STAM: variants seen among roughly 807,000 people sequenced by gnomAD.
STAM encodes the protein signal transducing adaptor molecule.
A neutral mutation model predicts 63.4 loss-of-function variants in STAM; 16 were observed. That is an observed-to-expected ratio of 0.25 (90% CI 0.17 to 0.38). The LOEUF (loss-of-function observed/expected upper bound fraction) is 0.38. Ranked by LOEUF, STAM falls within the 10% of genes least tolerant of loss-of-function variation. The pLI is 1.00. For missense variants in STAM, 636 were observed against 657.1 expected (o/e 0.97, Z 0.35); for synonymous variants, 238 against 223.9 (o/e 1.06, Z -0.56).
chr10:17,672,189 G>A (rs868963262), intron 2 of STAM, among the ~76,000 whole-genome samples: 3 of 152,236 alleles, frequency 2.0e-5, no homozygotes, highest in Middle Eastern at 3.4e-3. Flanking sequence ...ACTGGTGACC[G>A]CGCCTAACAT....
At chr10:17,675,600 A>G (rs1355573928) in intron 2 of STAM, among the ~76,000 whole-genome samples, 1 of 152,166 alleles carries the variant, frequency 6.6e-6, no homozygotes. Flanking sequence ...TTTATGTCAC[A>G]GTTTTAACTT....
intron 1 of STAM, among the ~76,000 whole-genome samples, chr10:17,656,588 C>T (rs1554822194): frequency 1.3e-5 from 2 of 152,166 alleles, no homozygotes; most frequent in East Asian, 1.9e-4. Context: ...ATCAGCCTTG[C>T]ATACCTGGGA....
At chr10:17,685,415 C>T (rs537486913) in intron 4 of STAM, among the ~76,000 whole-genome samples, 2 of 152,000 alleles carry the variant, frequency 1.3e-5, no homozygotes, top group Admixed American at 6.6e-5. Flanking sequence ...AAAGTGGTGG[C>T]GGGGGAGTTT....
intron 1 of STAM, among the ~76,000 whole-genome samples, chr10:17,653,741 A>G (rs1589024641): frequency 6.6e-6 from 1 of 152,214 alleles, no homozygotes; most frequent in Non-Finnish European, 1.5e-5. Flanking sequence ...TAAAGTATAT[A>G]GGAGGATGTG....
chr10:17,682,178 T>G lies in STAM; in HGVS notation c.126-2497T>G, dbSNP rs141388773. Among the ~76,000 whole-genome samples the G allele has an allele frequency of 2.3e-3, 354 of 152,344 alleles. 3 individuals carry two copies. Among genetic ancestry groups the G allele is most frequent in the African/African-American group, 8.1e-3 (338 of 41,584 alleles). ...TCCTTCCACCTTATGCAAGTACTAA[T>G]ATGCATTGTCACTATAGATTAAATT... On this transcript the variant is annotated intron_variant, in intron 2 of 13. Transcript: ENST00000377524.
At chr10:17,644,407 TTC>T in intron 1 of STAM, 28 bp downstream of exon 1, 2 of 1,613,436 alleles carry the variant, frequency 1.2e-6, no homozygotes, top group Middle Eastern at 3.3e-4. Context: ...TCCCTGCCCA[TTC>T]CTCACCGGAC....
chr10:17,665,491 A>G (rs1332854036), intron 2 of STAM, among the ~76,000 whole-genome samples: 3 of 152,120 alleles, frequency 2.0e-5, no homozygotes, highest in Non-Finnish European at 4.4e-5. Flanking sequence ...TGTAATAAGA[A>G]TGTTGTATAT....
rs1589124866 is a variant in STAM at position 17,714,898 on chromosome 10, A to G, written c.*118A>G. 6.1e-6 allele frequency: 6 copies of G among 984,892 alleles called. No individual in the cohort carries two copies. In the East Asian group the frequency reaches 1.2e-4, roughly 20 times the overall value. The allele number at this position is 984,892 out of a possible 1,614,324, so 61.0% of individuals were successfully genotyped here. A position where few individuals can be genotyped will look rare whatever the true frequency, so the allele number is the denominator to read the frequency against. On this transcript the variant is annotated 3_prime_UTR_variant, in exon 14 of 14. Transcript: ENST00000377524. Reference sequence around the variant, plus strand: ...CTTATAGGAATCTCTCCAGGTCAACAGGTTCAAATATTCAAGAAGGTAGAA... The same window carrying G: ...CTTATAGGAATCTCTCCAGGTCAACGGGTTCAAATATTCAAGAAGGTAGAA...
intron 13 of STAM, 61 bp downstream of exon 13, chr10:17,709,012 A>G (rs573294682): frequency 1.4e-5 from 21 of 1,544,450 alleles, no homozygotes; most frequent in Non-Finnish European, 1.8e-5. Context: ...AAGTGCCCCC[A>G]GTTATCTATA....
chr10:17,698,509 GA>G (rs1835858520), intron 8 of STAM, among the ~76,000 whole-genome samples: 1 of 150,272 alleles, frequency 6.7e-6, no homozygotes, highest in Non-Finnish European at 1.5e-5. Flanking sequence ...CGATCTAAAA[GA>G]GAAACTGAAG....
chr10:17,652,654 C>T (rs549285683), intron 1 of STAM, among the ~76,000 whole-genome samples: 1 of 151,416 alleles, frequency 6.6e-6, no homozygotes, highest in South Asian at 2.1e-4. Flanking sequence ...TTAAAAAATG[C>T]ACTTAAAAAA....
intron 12 of STAM, 146 bp downstream of exon 12, chr10:17,705,887 G>A: frequency 1.8e-6 from 1 of 561,542 alleles, no homozygotes; most frequent in South Asian, 3.3e-5. Flanking sequence ...GGGTAACATA[G>A]TGAGACTCTG....
At chr10:17,668,071 T>C (rs551454637) in intron 2 of STAM, among the ~76,000 whole-genome samples, 1 of 152,272 alleles carries the variant, frequency 6.6e-6, no homozygotes. Context: ...TAAGATGTGA[T>C]AGAAGTTGAA....
At chr10:17,664,994 T>C (rs1307509897) in intron 2 of STAM, among the ~76,000 whole-genome samples, 3 of 152,116 alleles carry the variant, frequency 2.0e-5, no homozygotes, top group African/African-American at 7.2e-5. Flanking sequence ...ATAATTCATA[T>C]TATTTTAACC....
intron 1 of STAM, among the ~76,000 whole-genome samples, chr10:17,656,289 G>A (rs1186283041): frequency 7.0e-5 from 9 of 128,814 alleles, no homozygotes; most frequent in African/African-American, 9.2e-5. Flanking sequence ...GCGAGACTCC[G>A]TCTTAAAAAA....
intron 8 of STAM, among the ~76,000 whole-genome samples, chr10:17,698,013 T>G (rs1554827836): frequency 2.0e-5 from 3 of 152,156 alleles, no homozygotes; most frequent in Non-Finnish European, 4.4e-5. Flanking sequence ...ACTACATATT[T>G]ATAGAATAAA....
At chr10:17,654,358 G>A (rs748326842) in intron 1 of STAM, among the ~76,000 whole-genome samples, 24 of 152,004 alleles carry the variant, frequency 1.6e-4, no homozygotes, top group Non-Finnish European at 3.1e-4. Context: ...AGGTAGCTGG[G>A]ACTACATGCG....
At chr10:17,659,493 T>C (rs1158782099) in intron 1 of STAM, among the ~76,000 whole-genome samples, 1 of 124,620 alleles carries the variant, frequency 8.0e-6, no homozygotes, top group East Asian at 2.3e-4. Context: ...TTTAAAGAGA[T>C]AGGATCTTGC....
chr10:17,716,073 A>C lies in STAM; in HGVS notation c.*1293A>C, dbSNP rs1049773473. On this transcript the variant is annotated 3_prime_UTR_variant, in exon 14 of 14. Transcript: ENST00000377524. ...TGCTTTTCTTTTAATTCATGCGAAAAATGTTTTCCACTGACATTGTAATCT... is the reference window on the plus strand; with the variant it reads ...TGCTTTTCTTTTAATTCATGCGAAACATGTTTTCCACTGACATTGTAATCT... 6.6e-6 allele frequency among the ~76,000 whole-genome samples: 1 copy of C among 152,260 alleles called. No homozygotes were observed. The highest frequency in any genetic ancestry group is 1.9e-4 in the East Asian group (1 of 5,184).
Sources: allele counts gnomAD v4.1 joint callset (sites outside exome capture counted in the v4.1 genomes callset), GRCh38; gene constraint gnomAD v4.1.1; transcripts MANE v1.5; gene names NCBI Gene and HGNC (gene_info 2026-07-23, HGNC 2026-07-21).